Variants in FFAR4 observed in about 807,000 individuals in gnomAD.
FFAR4 encodes G-protein coupled receptor 120.
In FFAR4, 19 loss-of-function variants were observed where a neutral mutation model predicts 27.0. The ratio of observed to expected loss-of-function variants is 0.70; its 90% CI spans 0.49 to 1.03. The LOEUF is 1.03. Ranked by LOEUF, FFAR4 falls within the 50% of genes least tolerant of loss-of-function variation. The pLI, the probability that FFAR4 is intolerant of heterozygous loss-of-function variation, is 0.00. For missense variants in FFAR4, 476 were observed against 479.0 expected, an observed-to-expected ratio of 0.99 and a Z score of 0.06; for synonymous variants, 254 against 215.6, an observed-to-expected ratio of 1.18 and a Z score of -1.56.
intron 2 of FFAR4, among the ~76,000 whole-genome samples, chr10:93,581,425 C>T (rs1170066680): frequency 1.3e-5 from 2 of 152,172 alleles, no homozygotes; most frequent in African/African-American, 2.4e-5. Flanking sequence ...TGTTGATTGA[C>T]CAAGCAGCTC....
intron 2 of FFAR4, among the ~76,000 whole-genome samples, chr10:93,582,954 T>G (rs563663789): frequency 6.6e-6 from 1 of 152,116 alleles, no homozygotes; most frequent in East Asian, 1.9e-4. Context: ...GAGAACTCAT[T>G]CACTATCACA....
chr10:93,567,502 C>A (rs891877996), intron 1 of FFAR4, among the ~76,000 whole-genome samples: 10 of 152,210 alleles, frequency 6.6e-5, no homozygotes, highest in Non-Finnish European at 1.3e-4. Context: ...TAAGTGGAGT[C>A]CCCCAAATTC....
intron 2 of FFAR4, among the ~76,000 whole-genome samples, chr10:93,578,428 A>AAAAAAAAG (rs2058178219): frequency 2.0e-5 from 3 of 149,640 alleles, no homozygotes; most frequent in African/African-American, 7.6e-5. Flanking sequence ...AAAAAAAAAA[A>AAAAAAAAG]AAAAAAAAAA....
intron 2 of FFAR4, among the ~76,000 whole-genome samples, chr10:93,579,502 GTCTTCCCATCAA>G (rs2058186845): frequency 1.3e-5 from 2 of 152,264 alleles, no homozygotes; most frequent in South Asian, 4.1e-4. Flanking sequence ...TCACCAAAAA[GTCTTCCCATCAA>G]TCTCCAATTC....
Position 93,587,720 on chromosome 10 carries a change from A to G in FFAR4, c.*111A>G, listed in dbSNP as rs926727676. ...CACCCTGCTTTAAGAAAATGAACCT[A>G]TGCAAATAGACATCCACAGCGTCGG... On this transcript the variant is annotated 3_prime_UTR_variant, in exon 3 of 3. Coordinates refer to ENST00000371481, the MANE Select transcript of FFAR4 (RefSeq NM_001195755.2). 6.9e-6 allele frequency: 7 copies of G among 1,011,480 alleles called. No homozygotes were observed. In the African/African-American group the frequency reaches 1.1e-4, roughly 16 times the overall value. The allele number at this position is 1,011,480 out of a possible 1,614,324, so 62.7% of individuals were successfully genotyped here.
intron 2 of FFAR4, among the ~76,000 whole-genome samples, chr10:93,581,185 A>G (rs756393874): frequency 5.3e-5 from 8 of 152,254 alleles, no homozygotes; most frequent in Non-Finnish European, 1.2e-4. Context: ...TTTGTCGAAT[A>G]AGTGAGTCTA....
chr10:93,585,878 C>A (rs2058224089), intron 2 of FFAR4, among the ~76,000 whole-genome samples: 1 of 152,256 alleles, frequency 6.6e-6, no homozygotes, highest in African/African-American at 2.4e-5. Context: ...CTGACAGAAG[C>A]TGCCCCAGCA....
At chr10:93,567,424 C>T (rs984968503) in intron 1 of FFAR4, 137 bp downstream of exon 1, 18 of 758,466 alleles carry the variant, frequency 2.4e-5, no homozygotes, top group Non-Finnish European at 3.3e-5. Flanking sequence ...AAATCTTGTG[C>T]CCATGGCTGT....
intron 1 of FFAR4, among the ~76,000 whole-genome samples, chr10:93,567,970 A>G (rs1012668543): frequency 2.0e-5 from 3 of 152,152 alleles, no homozygotes; most frequent in African/African-American, 7.2e-5. Context: ...GGCGCCTGAA[A>G]TGTGCAGATT....
chr10:93,577,475 T>G (rs1472570995), intron 2 of FFAR4, among the ~76,000 whole-genome samples: 2 of 152,140 alleles, frequency 1.3e-5, no homozygotes, highest in Admixed American at 6.5e-5. Context: ...TCCATGTCAC[T>G]CATTAGACTC....
In FFAR4 at chr10:93,589,783, TAGAG is replaced by T. The variant is rs901382192; in HGVS notation, c.*2178_*2181del. 5 of 151,898 alleles carry T rather than the reference TAGAG, an allele frequency of 3.3e-5. No homozygotes were observed. Among genetic ancestry groups the T allele is most frequent in the African/African-American group, 9.7e-5 (4 of 41,312 alleles). 9.4% of individuals were successfully genotyped at this position (151,898 alleles called of 1,614,324 possible). A position where few individuals can be genotyped will look rare whatever the true frequency, so the allele number is the denominator to read the frequency against. On this transcript the variant is annotated 3_prime_UTR_variant, in exon 3 of 3. Coordinates refer to ENST00000371481, the MANE Select transcript of FFAR4 (RefSeq NM_001195755.2). Reference sequence around the variant, plus strand: ...TTTTATAATACATCCCTTGGAGAGATAGAGAGAAACCAGAGCCAAAGACCGAACC... The same window carrying T: ...TTTTATAATACATCCCTTGGAGAGATAGAAACCAGAGCCAAAGACCGAACC...
intron 1 of FFAR4, among the ~76,000 whole-genome samples, chr10:93,570,597 T>C (rs2058126431): frequency 6.6e-6 from 1 of 152,150 alleles, no homozygotes; most frequent in Admixed American, 6.5e-5. Flanking sequence ...AAGCAGATAC[T>C]GGCTCCCTCC....
chr10:93,568,538 G>A (rs1188140186), intron 1 of FFAR4, among the ~76,000 whole-genome samples: 1 of 152,172 alleles, frequency 6.6e-6, no homozygotes, highest in African/African-American at 2.4e-5. Context: ...AGGGGAGTAG[G>A]GAGGGAGAAA....
rs145394712 is a variant in FFAR4, at chr10:93,567,382, A to G, written c.567+95A>G. On this transcript the variant is annotated intron_variant, in intron 1 of 2. Coordinates refer to ENST00000371481, the MANE Select transcript of FFAR4 (RefSeq NM_001195755.2). Reference sequence around the variant, plus strand: ...TGGGATGAGGATGATCAAGAACAACAATAGCCATTTATTGCACTTAATCGT... The same window carrying G: ...TGGGATGAGGATGATCAAGAACAACGATAGCCATTTATTGCACTTAATCGT... The G allele has an allele frequency of 1.5e-3, 1,597 of 1,084,862 alleles. 24 individuals are homozygous for G. In the African/African-American group the frequency reaches 0.022, roughly 15 times the overall value. The allele number at this position is 1,084,862 out of a possible 1,614,324, so 67.2% of individuals were successfully genotyped here.
intron 1 of FFAR4, among the ~76,000 whole-genome samples, chr10:93,573,615 A>G (rs1375925963): frequency 6.6e-6 from 1 of 152,224 alleles, no homozygotes; most frequent in Non-Finnish European, 1.5e-5. Context: ...ACAATACCAT[A>G]CAAAACCTTC....
chr10:93,579,019 C>A (rs1444020915), intron 2 of FFAR4: 1 of 728,702 alleles, frequency 1.4e-6, no homozygotes, highest in Non-Finnish European at 2.4e-6. Context: ...TTTCTCAAGG[C>A]CAGGGTCCAC....
chr10:93,573,874 C>T (rs1589675290), intron 1 of FFAR4, among the ~76,000 whole-genome samples: 2 of 152,122 alleles, frequency 1.3e-5, no homozygotes, highest in Non-Finnish European at 2.9e-5. Context: ...TCATGGTGGT[C>T]TGTGTTTCAT....
At chr10:93,585,595 G>C (rs1396683369) in intron 2 of FFAR4, among the ~76,000 whole-genome samples, 1 of 152,230 alleles carries the variant, frequency 6.6e-6, no homozygotes, top group African/African-American at 2.4e-5. Flanking sequence ...CTGGGAGGAG[G>C]ACAGAGAAGG....
In FFAR4 at chr10:93,587,721, T is replaced by C. The variant is rs1329163852; in HGVS notation, c.*112T>C. ...ACCCTGCTTTAAGAAAATGAACCTA[T>C]GCAAATAGACATCCACAGCGTCGGT... On this transcript the variant is annotated 3_prime_UTR_variant, in exon 3 of 3. Coordinates refer to ENST00000371481, the MANE Select transcript of FFAR4 (RefSeq NM_001195755.2). 9.9e-7 allele frequency: 1 copy of C among 1,013,740 alleles called. No homozygotes were observed. The highest frequency in any genetic ancestry group is 1.5e-6 in the Non-Finnish European group (1 of 689,240). 62.8% of individuals were successfully genotyped at this position (1,013,740 alleles called of 1,614,324 possible). A position where few individuals can be genotyped will look rare whatever the true frequency, so the allele number is the denominator to read the frequency against.
Sources: allele counts gnomAD v4.1 joint callset (sites outside exome capture counted in the v4.1 genomes callset), GRCh38; gene constraint gnomAD v4.1.1; transcripts MANE v1.5; gene names NCBI Gene and HGNC (gene_info 2026-07-23, HGNC 2026-07-21).